CSMD1: variants seen among roughly 807,000 people sequenced by gnomAD.
The protein encoded by CSMD1 is CUB and Sushi multiple domains 1.
A neutral mutation model predicts 417.5 loss-of-function variants in CSMD1; 213 were observed. The observed-to-expected ratio is 0.51, with a 90% CI of 0.46 to 0.57. CSMD1 has a LOEUF of 0.57. Among genes scored for constraint, CSMD1 ranks in the 20% least tolerant of loss-of-function variants. The probability of loss-of-function intolerance (pLI) is 0.00; values close to 1 mark genes in which losing one functional copy is unlikely to be tolerated. For missense variants in CSMD1, 6,923 were observed against 4,529.7 expected (o/e 1.53, Z -15.17); for synonymous variants, 2,862 against 1,736.8 (o/e 1.65, Z -16.11).
chr8:4,435,849 C>A (rs905517178), intron 2 of CSMD1, among the ~76,000 whole-genome samples: 2 of 152,188 alleles, frequency 1.3e-5, no homozygotes, highest in Admixed American at 1.3e-4. Context: ...CCAAAGCTCA[C>A]CTTCCAAGTA....
chr8:4,628,609 T>C (rs904104191), intron 2 of CSMD1, among the ~76,000 whole-genome samples: 2 of 73,322 alleles, frequency 2.7e-5, no homozygotes, highest in African/African-American at 7.9e-5. Context: ...AAAAAGAAAA[T>C]GTTAAAAAAA....
chr8:4,311,069 A>C (rs1302060320), intron 3 of CSMD1, among the ~76,000 whole-genome samples: 2 of 152,166 alleles, frequency 1.3e-5, no homozygotes, highest in East Asian at 1.9e-4. Context: ...AATTAGTTCA[A>C]CTACTGTGGA....
At chr8:4,684,911 T>A (rs530852865) in intron 1 of CSMD1, among the ~76,000 whole-genome samples, 1 of 152,176 alleles carries the variant, frequency 6.6e-6, no homozygotes, top group South Asian at 2.1e-4. Flanking sequence ...AACTGTAAAA[T>A]TCACTAATAA....
At chr8:4,955,936 G>A (rs991252032) in intron 1 of CSMD1, among the ~76,000 whole-genome samples, 1 of 152,188 alleles carries the variant, frequency 6.6e-6, no homozygotes, top group Admixed American at 6.5e-5. Context: ...AGGCGATTCA[G>A]ATGAATGGCT....
At chr8:3,134,265 G>T (rs149037815) in intron 41 of CSMD1, among the ~76,000 whole-genome samples, 1 of 152,212 alleles carries the variant, frequency 6.6e-6, no homozygotes, top group African/African-American at 2.4e-5. Flanking sequence ...AAGGGCAAGG[G>T]TTCTGATGTC....
chr8:4,363,985 T>G (rs1248068084), intron 3 of CSMD1, among the ~76,000 whole-genome samples: 3 of 152,128 alleles, frequency 2.0e-5, no homozygotes, highest in Non-Finnish European at 2.9e-5. Flanking sequence ...TTTGCTAGCA[T>G]AACAGGTTGA....
chr8:4,210,566 C>A (rs1478669988), intron 3 of CSMD1, among the ~76,000 whole-genome samples: 2 of 152,030 alleles, frequency 1.3e-5, no homozygotes, highest in Non-Finnish European at 2.9e-5. Flanking sequence ...ATAGGAAACA[C>A]AATATCTGAC....
intron 2 of CSMD1, among the ~76,000 whole-genome samples, chr8:4,518,160 A>T (rs1803225893): frequency 6.6e-6 from 1 of 152,186 alleles, no homozygotes. Context: ...CCATAAGACA[A>T]GAAGACAGAG....
At chr8:3,972,380 T>G (rs1452082505) in intron 5 of CSMD1, among the ~76,000 whole-genome samples, 1 of 152,214 alleles carries the variant, frequency 6.6e-6, no homozygotes, top group Admixed American at 6.5e-5. Context: ...TCTTTTTTCT[T>G]TATACAAACA....
chr8:3,785,833 T>C (rs933293214), intron 5 of CSMD1, among the ~76,000 whole-genome samples: 1 of 152,182 alleles, frequency 6.6e-6, no homozygotes, highest in African/African-American at 2.4e-5. Context: ...TCTTCCTTAT[T>C]CCTGAGGGCT....
At chr8:3,637,263 G>A (rs997034979) in intron 7 of CSMD1, among the ~76,000 whole-genome samples, 1 of 152,082 alleles carries the variant, frequency 6.6e-6, no homozygotes, top group African/African-American at 2.4e-5. Context: ...CTAAAAACAG[G>A]TTGTCTCACT....
intron 30 of CSMD1, among the ~76,000 whole-genome samples, chr8:3,210,115 C>T (rs2116787596): frequency 6.6e-6 from 1 of 152,310 alleles, no homozygotes; most frequent in East Asian, 1.9e-4. Context: ...AAAAGATTTA[C>T]AGTGGAGCAA....
intron 5 of CSMD1, among the ~76,000 whole-genome samples, chr8:3,869,072 C>G (rs77905056): frequency 8.8e-4 from 134 of 152,338 alleles, no homozygotes; most frequent in African/African-American, 3.2e-3. Flanking sequence ...GCCACGCTGA[C>G]ATGACCTTAG....
chr8:2,998,967 T>A, intron 53 of CSMD1, among the ~76,000 whole-genome samples: 1 of 152,320 alleles, frequency 6.6e-6, no homozygotes, highest in South Asian at 2.1e-4. Flanking sequence ...TTATCCACAT[T>A]TCTTTTGTCT....
chr8:3,513,777 CAT>C (rs1037289815), intron 10 of CSMD1, among the ~76,000 whole-genome samples: 11 of 152,286 alleles, frequency 7.2e-5, no homozygotes, highest in African/African-American at 2.4e-4. Flanking sequence ...TCACCAAACA[CAT>C]GAGAGATAGA....
intron 5 of CSMD1, among the ~76,000 whole-genome samples, chr8:3,883,408 G>C (rs116698111): frequency 1.2e-3 from 188 of 152,230 alleles, no homozygotes; most frequent in African/African-American, 4.3e-3. Context: ...GTGTATGTGT[G>C]TGTATATATG....
chr8:4,330,000 T>A (rs1394200454), intron 3 of CSMD1, among the ~76,000 whole-genome samples: 4 of 152,146 alleles, frequency 2.6e-5, no homozygotes, highest in South Asian at 2.1e-4. Context: ...GCCAGCACCA[T>A]GCTTCCTGTA....
intron 4 of CSMD1, among the ~76,000 whole-genome samples, chr8:4,027,639 C>T (rs1380166772): frequency 6.6e-6 from 1 of 152,126 alleles, no homozygotes; most frequent in African/African-American, 2.4e-5. Flanking sequence ...TTATAAATTA[C>T]CCAGTCTCAG....
At chr8:3,973,332 G>C (rs1279888870) in intron 5 of CSMD1, among the ~76,000 whole-genome samples, 1 of 152,156 alleles carries the variant, frequency 6.6e-6, no homozygotes, top group Non-Finnish European at 1.5e-5. Context: ...TCTGCACTCT[G>C]CTTGGTGCTA....
Sources: allele counts gnomAD v4.1 joint callset (sites outside exome capture counted in the v4.1 genomes callset), GRCh38; gene constraint gnomAD v4.1.1; transcripts MANE v1.5; gene names NCBI Gene and HGNC (gene_info 2026-07-23, HGNC 2026-07-21).